SMIM21: variants seen among roughly 807,000 people sequenced by gnomAD.
The protein encoded by SMIM21 is small integral membrane protein 21, also known as chromosome 18 open reading frame 62.
A neutral mutation model predicts 8.6 loss-of-function variants in SMIM21; 8 were observed. The observed-to-expected ratio is 0.93, with a 90% confidence interval of 0.55 to 1.68. The LOEUF is 1.68. Ranked by LOEUF, SMIM21 falls within the 40% of genes most tolerant of loss-of-function variation. SMIM21 has a pLI of 0.00. For missense variants in SMIM21, 132 were observed against 123.0 expected (o/e 1.07, Z -0.35); for synonymous variants, 43 against 41.7 (o/e 1.03, Z -0.12).
chr18:75,418,512 C>T (rs1366708942), intron 2 of SMIM21, among the ~76,000 whole-genome samples: 2 of 152,162 alleles, frequency 1.3e-5, no homozygotes, highest in African/African-American at 2.4e-5. Context: ...AAGGAGCGAC[C>T]TCAGATAGAA....
chr18:75,415,503 T>C (rs9965761), intron 2 of SMIM21, among the ~76,000 whole-genome samples: 109,982 of 151,874 alleles, frequency 0.72, 40,263 homozygotes, highest in East Asian at 0.99. Context: ...AGATGAGCAT[T>C]CTGACTTGCC....
At chr18:75,411,302 C>T (rs2024581805) in intron 2 of SMIM21, among the ~76,000 whole-genome samples, 2 of 152,210 alleles carry the variant, frequency 1.3e-5, no homozygotes, top group South Asian at 2.1e-4. Flanking sequence ...AGAAGCAGCA[C>T]CAAAATAGTA....
At chr18:75,419,561 T>C (rs1260067325) in intron 1 of SMIM21, among the ~76,000 whole-genome samples, 1 of 152,124 alleles carries the variant, frequency 6.6e-6, no homozygotes, top group Non-Finnish European at 1.5e-5. Flanking sequence ...TCAATGAAAA[T>C]TAACATCAAT....
At chr18:75,421,391 C>T (rs1458337219) in intron 1 of SMIM21, among the ~76,000 whole-genome samples, 1 of 152,044 alleles carries the variant, frequency 6.6e-6, no homozygotes, top group Non-Finnish European at 1.5e-5. Context: ...AAAATCCATT[C>T]CCCTCTATGA....
intron 1 of SMIM21, among the ~76,000 whole-genome samples, chr18:75,424,757 C>T (rs1216693342): frequency 6.6e-6 from 1 of 152,194 alleles, no homozygotes; most frequent in Non-Finnish European, 1.5e-5. Context: ...TAACAATGAA[C>T]ACTTCTTTCT....
rs1028579662 is a variant in SMIM21, at chr18:75,426,180, C to T, written c.129+1255G>A. ...TGAAATTTATAAAGTATTAGAAGGA[C>T]TTCAAATCGACTTACAACTATCACA... On this transcript the variant is annotated intron_variant, in intron 1 of 2. Transcript: ENST00000579022. Among the ~76,000 whole-genome samples the T allele has an allele frequency of 2.0e-5, 3 of 152,190 alleles. No individual in the cohort carries two copies. In the East Asian group the frequency reaches 5.8e-4, roughly 29 times the overall value.
intron 2 of SMIM21, among the ~76,000 whole-genome samples, chr18:75,411,944 C>T (rs926126321): frequency 1.6e-4 from 24 of 152,026 alleles, no homozygotes; most frequent in African/African-American, 4.6e-4. Context: ...TCCTGCAGGC[C>T]GAGACAGGTA....
At chr18:75,427,172 A>G (rs1266614278) in intron 1 of SMIM21, among the ~76,000 whole-genome samples, 1 of 152,086 alleles carries the variant, frequency 6.6e-6, no homozygotes, top group East Asian at 1.9e-4. Flanking sequence ...CTGTATACTG[A>G]TGTAATGTCA....
Position 75,409,839 on chromosome 18 carries a change from G to A in SMIM21, c.*1025C>T, listed in dbSNP as rs2024563622. The A allele has an allele frequency of 4.6e-5, 7 of 152,462 alleles. No homozygotes were observed. Among genetic ancestry groups the A allele is most frequent in the Admixed American group, 4.6e-4 (7 of 15,282 alleles). The allele number at this position is 152,462 out of a possible 1,614,324, so 9.4% of individuals were successfully genotyped here. ...AGGTGGATTTGCCCTTTGGTCGTCA[G>A]GCTGCACTGTGAGTTCTGAATCCCT... is the stretch of plus-strand genomic sequence containing the variant. On this transcript the variant is annotated 3_prime_UTR_variant, in exon 3 of 3. Coordinates refer to ENST00000579022, the MANE Select transcript of SMIM21 (RefSeq NM_001037331.3).
At chr18:75,414,694 ATTG>A (rs1279545720) in intron 2 of SMIM21, among the ~76,000 whole-genome samples, 1 of 152,162 alleles carries the variant, frequency 6.6e-6, no homozygotes, top group East Asian at 1.9e-4. Flanking sequence ...GATGTTTCTT[ATTG>A]TTGTTTTGTG....
rs1227657432 is a variant in SMIM21 at position 75,409,565 on chromosome 18, C to T, written c.*1299G>A. ...AACACCATCCATTCATTGTTGACCTCACTGGGTTCACGTGTGATGCAGCGC... is the reference window on the plus strand; with the variant it reads ...AACACCATCCATTCATTGTTGACCTTACTGGGTTCACGTGTGATGCAGCGC... On this transcript the variant is annotated 3_prime_UTR_variant, in exon 3 of 3. Coordinates refer to ENST00000579022, the MANE Select transcript of SMIM21 (RefSeq NM_001037331.3). 1 of 152,192 alleles carries T rather than the reference C, an allele frequency of 6.6e-6. No individual in the cohort carries two copies. The highest frequency in any genetic ancestry group is 1.5e-5 in the Non-Finnish European group (1 of 68,040). The allele number at this position is 152,192 out of a possible 1,614,324, so 9.4% of individuals were successfully genotyped here.
chr18:75,418,033 C>G (rs2024666839), intron 2 of SMIM21: 6 of 393,220 alleles, frequency 1.5e-5, no homozygotes, highest in South Asian at 1.4e-4. Flanking sequence ...GTGAACATCT[C>G]CAGAACAGGA....
chr18:75,427,592 G>A lies in SMIM21; in HGVS notation c.-29C>T, dbSNP rs769941439. On this transcript the variant is annotated 5_prime_UTR_variant, in exon 1 of 3. Coordinates refer to ENST00000579022, the MANE Select transcript of SMIM21 (RefSeq NM_001037331.3). Reference sequence around the variant, plus strand: ...GGGGCTGCGGCGGTGACCAGTGAGAGGTCTCCTTGATGACAGCGACTCTGA... The same window carrying A: ...GGGGCTGCGGCGGTGACCAGTGAGAAGTCTCCTTGATGACAGCGACTCTGA... The A allele has an allele frequency of 4.5e-6, 7 of 1,565,700 alleles. No individual in the cohort carries two copies. Among genetic ancestry groups the A allele is most frequent in the Non-Finnish European group, 5.2e-6 (6 of 1,154,250 alleles).
intron 1 of SMIM21, among the ~76,000 whole-genome samples, chr18:75,422,081 A>AC (rs1402473224): frequency 1.3e-5 from 2 of 151,960 alleles, no homozygotes; most frequent in African/African-American, 4.8e-5. Flanking sequence ...AACCGGCTTG[A>AC]CCCCCAGTAG....
At chr18:75,425,352 T>C (rs1393464446) in intron 1 of SMIM21, among the ~76,000 whole-genome samples, 1 of 152,026 alleles carries the variant, frequency 6.6e-6, no homozygotes, top group East Asian at 1.9e-4. Context: ...ATCAGAAACA[T>C]AGTGGAACCA....
chr18:75,418,444 C>T (rs917850184), intron 2 of SMIM21, among the ~76,000 whole-genome samples: 2 of 152,184 alleles, frequency 1.3e-5, no homozygotes, highest in Non-Finnish European at 2.9e-5. Flanking sequence ...ATGTCACTGG[C>T]TCTCAGAGGC....
chr18:75,410,936 C>T, intron 2 of SMIM21, 27 bp from the exon 3 acceptor site: 5 of 1,613,018 alleles, frequency 3.1e-6, no homozygotes, highest in South Asian at 1.1e-5. Context: ...GGGGAAAAAG[C>T]ATTTTATTTT....
intron 1 of SMIM21, among the ~76,000 whole-genome samples, chr18:75,422,338 C>T (rs1362135764): frequency 1.3e-5 from 2 of 151,992 alleles, no homozygotes; most frequent in African/African-American, 2.4e-5. Flanking sequence ...ATCAACTGAA[C>T]ATTTAACCCC....
intron 1 of SMIM21, among the ~76,000 whole-genome samples, chr18:75,423,150 T>G (rs2024727235): frequency 1.3e-5 from 2 of 152,158 alleles, no homozygotes; most frequent in African/African-American, 4.8e-5. Context: ...TGCCCCAAAT[T>G]CATCAATCTT....
Sources: gnomAD v4.1 joint callset for allele counts (sites outside exome capture counted in the v4.1 genomes callset) on GRCh38, gnomAD v4.1.1 for gene constraint, MANE v1.5 for transcripts, NCBI Gene and HGNC (gene_info 2026-07-23, HGNC 2026-07-21) for gene names.